Variants in CBX2 observed in about 807,000 individuals in gnomAD.
CBX2 encodes chromobox protein homolog 2.
A neutral mutation model predicts 21.0 loss-of-function variants in CBX2; 11 were observed. The ratio of observed to expected loss-of-function variants is 0.52; its 90% CI spans 0.33 to 0.87. CBX2 has a LOEUF of 0.87. CBX2 is among the 40% of genes least tolerant of loss of function. The probability of loss-of-function intolerance (pLI) is 0.02; values close to 1 mark genes in which losing one functional copy is unlikely to be tolerated. For missense variants in CBX2, 746 were observed against 724.3 expected, an observed-to-expected ratio of 1.03 and a Z score of -0.34; for synonymous variants, 364 against 304.6, an observed-to-expected ratio of 1.19 and a Z score of -2.03.
chr17:79,785,198 C>T lies in CBX2; in HGVS notation c.*156C>T, dbSNP rs1907551664. On this transcript the variant is annotated 3_prime_UTR_variant, in exon 5 of 5. Transcript: ENST00000310942. ...TGGGCAGGCTTGGAAGGGACTTCTC[C>T]CGCACCCCACTCTGTCCCAGGACAT... 3.0e-6 allele frequency: 2 copies of T among 668,524 alleles called. No homozygotes were observed. The highest frequency in any genetic ancestry group is 1.8e-5 in the African/African-American group (1 of 56,134). The allele number at this position is 668,524 out of a possible 1,614,324, so 41.4% of individuals were successfully genotyped here.
At position 79,787,766 on chromosome 17, in the gene CBX2, G is replaced by A. The variant is rs1446554990; in HGVS notation, c.*2724G>A. The A allele has an allele frequency of 3.3e-5, 5 of 152,116 alleles. No homozygotes were observed. Among genetic ancestry groups the A allele is most frequent in the Non-Finnish European group, 7.3e-5 (5 of 68,036 alleles). 9.4% of individuals were successfully genotyped at this position (152,116 alleles called of 1,614,324 possible). On this transcript the variant is annotated 3_prime_UTR_variant, in exon 5 of 5. Transcript: ENST00000310942. ...TGGCCAGTCTGTCTTCCTTAGAGAT[G>A]TTAGCATATTTTTATATGTATATAT...
rs1555829345 is a variant in CBX2, at chr17:79,778,244, G to A, written c.9G>A (p.Glu3=). ME[E]LSSVGEQVFA... is the part of the protein sequence containing the mutation. ...GCTGGCTGCCGGGCAGCATGGAGGA[G>A]CTGAGCAGCGTGGGCGAGCAGGTCT... The change falls in exon 1 of 5, where the codon GAG becomes GAA. Residue 3 remains glutamate, a synonymous_variant. Transcript: ENST00000310942. The surrounding 1 kb of genome is among the most constrained non-coding windows in gnomAD (Gnocchi z 4.8). The A allele has an allele frequency of 6.7e-7, 1 of 1,494,658 alleles. No homozygotes were observed. Among genetic ancestry groups the A allele is most frequent in the Admixed American group, 2.1e-5 (1 of 47,806 alleles). 92.6% of individuals were successfully genotyped at this position (1,494,658 alleles called of 1,614,324 possible).
At position 79,778,450 on chromosome 17, in the gene CBX2, CCCCCCTCCCG is replaced by C; in HGVS notation, c.116+31_116+40del. On this transcript the variant is annotated intron_variant, in intron 2 of 4. Coordinates refer to ENST00000310942, the MANE Select transcript of CBX2 (RefSeq NM_005189.3). This position sits in a 1 kb window ranked among gnomAD's most constrained non-coding sequence, Gnocchi z 4.8. ...CAAGTGAGTCCCCCGCGACGCCGCG[CCCCCCTCCCG>C]CCCCCTCGCCCGGGGGTGGGGACGT... The C allele has an allele frequency of 2.7e-6, 4 of 1,486,146 alleles. No homozygotes were observed. Among genetic ancestry groups the C allele is most frequent in the Non-Finnish European group, 3.6e-6 (4 of 1,110,444 alleles). The allele number at this position is 1,486,146 out of a possible 1,614,324, so 92.1% of individuals were successfully genotyped here.
At chr17:79,781,574 G>C in intron 3 of CBX2, 122 bp from the exon 4 acceptor site, 2 of 853,376 alleles carry the variant, frequency 2.3e-6, no homozygotes, top group South Asian at 2.7e-5. Context: ...TGATGTGTTT[G>C]CGGCAAACAG....
At position 79,783,890 on chromosome 17, in the gene CBX2, C is replaced by T. The variant is rs782621182; in HGVS notation, c.447C>T (p.Ile149=). ...THPVPQKKAQ[I]LVAKPELKDP... is the part of the protein sequence containing the mutation. Reference sequence around the variant, plus strand: ...CAGTGCCGCAGAAGAAGGCCCAGATCCTGGTGGCCAAACCCGAGCTGAAGG... The same window carrying T: ...CAGTGCCGCAGAAGAAGGCCCAGATTCTGGTGGCCAAACCCGAGCTGAAGG... Residue 149 remains isoleucine, a synonymous_variant, in exon 5 of 5, where the codon ATC becomes ATT. Transcript: ENST00000310942. 11 of 1,614,092 alleles carry T rather than the reference C, an allele frequency of 6.8e-6. No individual in the cohort carries two copies. In the South Asian group the frequency reaches 1.1e-4, roughly 16 times the overall value.
In CBX2 at chr17:79,778,261, A is replaced by G; in HGVS notation, c.26A>G (p.Glu9Gly). The change falls in exon 1 of 5, where the codon GAG becomes GGG. Residue 9 changes from glutamate to glycine, a missense_variant. This residue lies in a region of CBX2 where 45 missense variants were observed against 73.6 expected (regional missense o/e 0.61). Transcript: ENST00000310942. The surrounding 1 kb of genome is among the most constrained non-coding windows in gnomAD (Gnocchi z 4.8). MEELSSVG[E>G]QVFAAECILS... ...ATGGAGGAGCTGAGCAGCGTGGGCG[A>G]GCAGGTCTTCGCCGCCGAGTGCATC... The G allele has an allele frequency of 1.3e-6, 2 of 1,521,106 alleles. No homozygotes were observed. Among genetic ancestry groups the G allele is most frequent in the Non-Finnish European group, 1.8e-6 (2 of 1,140,380 alleles). 94.2% of individuals were successfully genotyped at this position (1,521,106 alleles called of 1,614,324 possible). A position where few individuals can be genotyped will look rare whatever the true frequency, so the allele number is the denominator to read the frequency against.
At chr17:79,782,071 A>G (rs781810827) in intron 4 of CBX2, 28 of 1,613,706 alleles carry the variant, frequency 1.7e-5, no homozygotes, top group Admixed American at 3.3e-5. Context: ...TGGCAGGGTC[A>G]AACTGCTGCA....
intron 2 of CBX2, 132 bp from the exon 3 acceptor site, chr17:79,779,230 G>T: frequency 1.2e-6 from 1 of 838,676 alleles, no homozygotes; most frequent in Admixed American, 2.0e-5. Context: ...ACTTTGAGAA[G>T]TGCCATGGTG....
At chr17:79,777,507 T>G (rs1906803728), upstream of CBX2, among the ~76,000 whole-genome samples, 1 of 152,196 alleles carries the variant, frequency 6.6e-6, no homozygotes, top group Admixed American at 6.5e-5. Flanking sequence ...CTTGGTGGTT[T>G]AAGTTAAAGC....
Position 79,778,685 on chromosome 17 carries a change from C to T in CBX2, c.116+258C>T, listed in dbSNP as rs956245493. Among the ~76,000 whole-genome samples, 8 of 152,094 alleles carry T rather than the reference C, an allele frequency of 5.3e-5. No homozygotes were observed. Among genetic ancestry groups the T allele is most frequent in the Non-Finnish European group, 1.2e-4 (8 of 67,986 alleles). The stretch of plus-strand genomic sequence containing the variant: ...ACCTCCTCGGCTGCCGCGCCGCGCT[C>T]CCCCCAACCCCCGTCCCGGCCGGGA... On this transcript the variant is annotated intron_variant, in intron 2 of 4. Coordinates refer to ENST00000310942, the MANE Select transcript of CBX2 (RefSeq NM_005189.3). The surrounding 1 kb of genome is among the most constrained non-coding windows in gnomAD (Gnocchi z 4.8).
Position 79,784,633 on chromosome 17 carries a change from T to C in CBX2, c.1190T>C (p.Ile397Thr), listed in dbSNP as rs782090812. ...GGGAAGGGCACTGGGAGTGGCCTCATTGGGGCCAGCGGGGCCACCATGCCC... is the reference window on the plus strand; with the variant it reads ...GGGAAGGGCACTGGGAGTGGCCTCACTGGGGCCAGCGGGGCCACCATGCCC... ...APGKGTGSGL[I>T]GASGATMPTD... The change falls in exon 5 of 5, where the codon ATT becomes ACT. Residue 397 changes from isoleucine to threonine, a missense_variant. By Grantham distance (89) the Ile-to-Thr change is moderately conservative (BLOSUM62 -1). Around this residue, in one of 2 missense-constraint regions of CBX2, gnomAD observed 701 missense variants for 650.7 expected, o/e 1.08. Coordinates refer to ENST00000310942, the MANE Select transcript of CBX2 (RefSeq NM_005189.3). The surrounding 1 kb of genome is among the most constrained non-coding windows in gnomAD (Gnocchi z 5.9). The C allele has an allele frequency of 4.3e-6, 7 of 1,612,350 alleles. No individual in the cohort carries two copies. Among genetic ancestry groups the C allele is most frequent in the Middle Eastern group, 3.3e-4 (2 of 6,082 alleles).
chr17:79,782,541 C>G (rs751785119), intron 4 of CBX2: 1 of 1,075,014 alleles, frequency 9.3e-7, no homozygotes, highest in Admixed American at 4.7e-5. Flanking sequence ...TGGACCTTCG[C>G]GTGTTGTGGC....
rs1555829734 is a variant in CBX2 at position 79,779,343 on chromosome 17, C to G, written c.117-19C>G. The stretch of plus-strand genomic sequence containing the variant: ...TCATCAGCCTGGCGTCTAATGCTGC[C>G]CTGTCCTCTGCTTTGCAGACATAAC... On this transcript the variant is annotated intron_variant, in intron 2 of 4. Coordinates refer to ENST00000310942, the MANE Select transcript of CBX2 (RefSeq NM_005189.3). The G allele has an allele frequency of 6.2e-7, 1 of 1,612,610 alleles. No homozygotes were observed. Among genetic ancestry groups the G allele is most frequent in the African/African-American group, 1.3e-5 (1 of 74,930 alleles).
Position 79,784,844 on chromosome 17 carries a change from G to T in CBX2, c.1401G>T (p.Ser467=). 12 of 1,612,728 alleles carry T rather than the reference G, an allele frequency of 7.4e-6. No individual in the cohort carries two copies. Among genetic ancestry groups the T allele is most frequent in the Non-Finnish European group, 1.0e-5 (12 of 1,179,796 alleles). The part of the protein sequence containing the change: ...EMSAGEESSS[S]DSDPDSASPP... ...GCGCAGGTGAGGAGAGTAGCAGCTC[G>T]GACTCCGACCCCGACTCCGCCTCGC... is the stretch of plus-strand genomic sequence containing the variant. The change falls in exon 5 of 5, where the codon TCG becomes TCT. Residue 467 remains serine, a synonymous_variant. Coordinates refer to ENST00000310942, the MANE Select transcript of CBX2 (RefSeq NM_005189.3). The surrounding 1 kb of genome is among the most constrained non-coding windows in gnomAD (Gnocchi z 5.9).
Position 79,784,043 on chromosome 17 carries a change from G to A in CBX2, c.600G>A (p.Leu200=). Residue 200 remains leucine, a synonymous_variant, in exon 5 of 5, where the codon CTG becomes CTA. Transcript: ENST00000310942. This position sits in a 1 kb window ranked among gnomAD's most constrained non-coding sequence, Gnocchi z 5.9. Reference sequence around the variant, plus strand: ...ATCTGGGGGCCCCGGCCAGCAAGCTGCCCCCTCCACTCAGCGCCCCCGTTG... The same window carrying A: ...ATCTGGGGGCCCCGGCCAGCAAGCTACCCCCTCCACTCAGCGCCCCCGTTG... ...RKDLGAPASK[L]PPPLSAPVAG... The A allele has an allele frequency of 6.2e-7, 1 of 1,612,810 alleles. No individual in the cohort carries two copies. Among genetic ancestry groups the A allele is most frequent in the South Asian group, 1.1e-5 (1 of 91,068 alleles).
At position 79,785,753 on chromosome 17, in the gene CBX2, C is replaced by T. The variant is rs117006205; in HGVS notation, c.*711C>T. The T allele has an allele frequency of 2.0e-5, 3 of 153,308 alleles. No homozygotes were observed. Among genetic ancestry groups the T allele is most frequent in the Non-Finnish European group, 4.4e-5 (3 of 68,832 alleles). The allele number at this position is 153,308 out of a possible 1,614,324, so 9.5% of individuals were successfully genotyped here. ...CCTTCATGGCCATCTAGCCCCAGTT[C>T]AGGGCAGCATCCATAGCCCACAAGC... On this transcript the variant is annotated 3_prime_UTR_variant, in exon 5 of 5. Coordinates refer to ENST00000310942, the MANE Select transcript of CBX2 (RefSeq NM_005189.3).
Position 79,784,449 on chromosome 17 carries a change from G to A in CBX2, c.1006G>A (p.Val336Met). The change falls in exon 5 of 5, where the codon GTG becomes ATG. Residue 336 changes from valine to methionine, a missense_variant. Around this residue, in one of 2 missense-constraint regions of CBX2, gnomAD observed 701 missense variants for 650.7 expected, o/e 1.08. Coordinates refer to ENST00000310942, the MANE Select transcript of CBX2 (RefSeq NM_005189.3). This position sits in a 1 kb window ranked among gnomAD's most constrained non-coding sequence, Gnocchi z 5.9. Reference protein sequence around the residue: ...GPPHTHGASRVPAGCPGPQPA... With the variant: ...GPPHTHGASRMPAGCPGPQPA... Reference sequence around the variant, plus strand: ...CCCGCACACCCATGGTGCCAGCAGGGTGCCTGCTGGGTGCCCAGGCCCCCA... The same window carrying A: ...CCCGCACACCCATGGTGCCAGCAGGATGCCTGCTGGGTGCCCAGGCCCCCA... The A allele has an allele frequency of 1.2e-6, 2 of 1,612,032 alleles. No individual in the cohort carries two copies. The highest frequency in any genetic ancestry group is 1.3e-5 in the African/African-American group (1 of 75,016).
chr17:79,779,470 G>C (rs782549730), intron 3 of CBX2, 43 bp downstream of exon 3: 6 of 1,580,544 alleles, frequency 3.8e-6, no homozygotes, highest in East Asian at 2.2e-5. Flanking sequence ...GGGGAGGGAC[G>C]GTGGCTGGTT....
At chr17:79,779,481 G>A in intron 3 of CBX2, 54 bp downstream of exon 3, 1 of 1,543,224 alleles carries the variant, frequency 6.5e-7, no homozygotes, top group Non-Finnish European at 8.9e-7. Context: ...GTGGCTGGTT[G>A]GAGTCGTGCT....
Sources: allele counts gnomAD v4.1 joint callset (sites outside exome capture counted in the v4.1 genomes callset), GRCh38; gene constraint gnomAD v4.1.1; regional missense constraint gnomAD v4.1.1; non-coding constraint Gnocchi (gnomAD v3.1); transcripts MANE v1.5; gene names NCBI Gene and HGNC (gene_info 2026-07-23, HGNC 2026-07-21).